Variants in GRIP1 observed in about 807,000 individuals in gnomAD.
GRIP1 encodes the protein glutamate receptor interacting protein 1.
A neutral mutation model predicts 129.9 loss-of-function variants in GRIP1; 45 were observed. The observed-to-expected ratio is 0.35, with a 90% confidence interval of 0.27 to 0.44. The LOEUF is 0.44. Ranked by LOEUF, GRIP1 falls within the 20% of genes least tolerant of loss-of-function variation. The probability of loss-of-function intolerance (pLI) is 1.00; values close to 1 mark genes in which losing one functional copy is unlikely to be tolerated. For synonymous variants in GRIP1, 530 were observed against 520.8 expected, an observed-to-expected ratio of 1.02 and a Z score of -0.24; for missense variants, 1,196 against 1,396.8, an observed-to-expected ratio of 0.86 and a Z score of 2.29.
rs1037946398 is a variant in GRIP1 at position 66,371,884 on chromosome 12, G to T, written c.2822C>A (p.Ala941Asp). 3.1e-6 allele frequency: 5 copies of T among 1,612,976 alleles called. No individual in the cohort carries two copies. In the African/African-American group the frequency reaches 6.7e-5, roughly 22 times the overall value. Residue 941 changes from alanine (A) to aspartate (D), a missense_variant, in exon 23 of 25, where the codon GCT becomes GAT. Around this residue, in one of 5 missense-constraint regions of GRIP1, gnomAD observed 427 missense variants for 463.3 expected, o/e 0.92. Transcript: ENST00000359742. ...CCCCAGCTGACTGCGAGGTGTTGGA[G>T]CCTCATGATTCAAACTCATCGTGCT... ...SGSTMSLNHE[A>D]PTPRSQLGRQ...
At chr12:66,404,063 CCT>C (rs1384079395) in intron 16 of GRIP1, among the ~76,000 whole-genome samples, 1 of 152,186 alleles carries the variant, frequency 6.6e-6, no homozygotes, top group Non-Finnish European at 1.5e-5. Flanking sequence ...CTAAAGGCTT[CCT>C]CTCTATTTTG....
intron 24 of GRIP1, among the ~76,000 whole-genome samples, chr12:66,352,748 TCTAA>T (rs954036792): frequency 1.3e-5 from 2 of 148,468 alleles, no homozygotes; most frequent in African/African-American, 2.5e-5. Flanking sequence ...GAAAAAAGAT[TCTAA>T]CTAACTTTCC....
chr12:66,688,905 G>C (rs2034879122), intron 1 of GRIP1, among the ~76,000 whole-genome samples: 1 of 152,116 alleles, frequency 6.6e-6, no homozygotes, highest in Admixed American at 6.6e-5. Flanking sequence ...AAGAAGTCAG[G>C]GTTGAAGGAC....
chr12:66,796,593 A>G (rs2038705398), intron 1 of GRIP1, among the ~76,000 whole-genome samples: 1 of 152,158 alleles, frequency 6.6e-6, no homozygotes, highest in South Asian at 2.1e-4. Context: ...GGTTTTCTTC[A>G]TTGTACTTGC....
At chr12:66,492,416 G>A (rs1302948610) in intron 7 of GRIP1, among the ~76,000 whole-genome samples, 2 of 151,958 alleles carry the variant, frequency 1.3e-5, no homozygotes, top group Admixed American at 1.3e-4. Context: ...TTAATAAAAA[G>A]AACAACAATT....
intron 2 of GRIP1, among the ~76,000 whole-genome samples, chr12:66,583,601 G>A (rs2063493891): frequency 7.2e-6 from 1 of 138,974 alleles, no homozygotes; most frequent in Non-Finnish European, 1.6e-5. Context: ...GGCGAAGGAC[G>A]TGAACAGACA....
chr12:66,678,879 C>T lies in GRIP1; in HGVS notation c.26G>A (p.Arg9His), dbSNP rs768878880. The T allele has an allele frequency of 2.4e-5, 39 of 1,613,304 alleles. No homozygotes were observed. The highest frequency in any genetic ancestry group is 1.6e-4 in the Middle Eastern group (1 of 6,080). The change falls in exon 1 of 25, where the codon CGT becomes CAT. Residue 9 changes from arginine to histidine, a missense_variant. Physicochemically the swap from Arg to His is conservative, Grantham distance 29. This residue lies in a region of GRIP1 where 217 missense variants were observed against 224.8 expected (regional missense o/e 0.97). Transcript: ENST00000359742. MIAVSFKC[R>H]CQILRRLTKD... ...AGTAAGTCGCCTCAGAATTTGACAA[C>T]GGCATTTAAAAGAGACAGCTATCAT...
intron 1 of GRIP1, among the ~76,000 whole-genome samples, chr12:66,764,422 A>C (rs909949068): frequency 6.6e-6 from 1 of 152,166 alleles, no homozygotes; most frequent in South Asian, 2.1e-4. Context: ...TTCATTTATG[A>C]TGTTTTCCAT....
At chr12:66,900,418 GA>G (rs1192493964) in intron 1 of GRIP1, among the ~76,000 whole-genome samples, 2 of 152,126 alleles carry the variant, frequency 1.3e-5, no homozygotes, top group Non-Finnish European at 2.9e-5. Flanking sequence ...TATGAAGCAG[GA>G]AACAGCCCTC....
At chr12:66,973,360 CT>C (rs1463482004) in intron 1 of GRIP1, among the ~76,000 whole-genome samples, 2 of 140,692 alleles carry the variant, frequency 1.4e-5, no homozygotes, top group African/African-American at 2.6e-5. Flanking sequence ...TATTTTTTCC[CT>C]TTTTTCCTTT....
intron 1 of GRIP1, among the ~76,000 whole-genome samples, chr12:66,619,088 T>A (rs1181057214): frequency 6.6e-6 from 1 of 152,086 alleles, no homozygotes; most frequent in African/African-American, 2.4e-5. Flanking sequence ...CTTTGTGCAA[T>A]TAAAAATGAA....
At chr12:67,060,771 C>T (rs903835748) in intron 1 of GRIP1, among the ~76,000 whole-genome samples, 4 of 148,300 alleles carry the variant, frequency 2.7e-5, no homozygotes, top group Admixed American at 6.8e-5. Flanking sequence ...TGCAGTGAGC[C>T]GGGAACCGCA....
chr12:66,583,009 C>T (rs2063464576), intron 2 of GRIP1, among the ~76,000 whole-genome samples: 2 of 151,494 alleles, frequency 1.3e-5, no homozygotes, highest in Admixed American at 6.6e-5. Context: ...TCAAACTACA[C>T]TACAAGGCTA....
intron 1 of GRIP1, among the ~76,000 whole-genome samples, chr12:67,026,657 C>T (rs2042945310): frequency 6.6e-6 from 1 of 152,160 alleles, no homozygotes; most frequent in Non-Finnish European, 1.5e-5. Flanking sequence ...ACTGTAGTCT[C>T]ACACATGTTA....
In GRIP1 at chr12:66,524,286, C is replaced by T. The variant is rs2061141603; in HGVS notation, c.502+5545G>A. Among the ~76,000 whole-genome samples the T allele has an allele frequency of 2.0e-5, 3 of 152,272 alleles. No homozygotes were observed. The South Asian group carries it at 6.2e-4, about 32-fold the overall frequency. On this transcript the variant is annotated intron_variant, in intron 5 of 24. Coordinates refer to ENST00000359742, the MANE Select transcript of GRIP1 (RefSeq NM_001366722.1). ...TGACCACATAGTTGGAAGTAAAGCA[C>T]CCCTCAGCAAATGTAAAAGAACACA...
intron 1 of GRIP1, among the ~76,000 whole-genome samples, chr12:66,699,350 A>T (rs1215430695): frequency 6.6e-6 from 1 of 152,194 alleles, no homozygotes; most frequent in African/African-American, 2.4e-5. Context: ...CCCCACCTGA[A>T]TCTCATCTTG....
intron 1 of GRIP1, among the ~76,000 whole-genome samples, chr12:66,831,984 A>G (rs868134505): frequency 2.0e-5 from 3 of 152,168 alleles, no homozygotes; most frequent in African/African-American, 7.2e-5. Context: ...ACTTTCCTCA[A>G]TCATTCTGCA....
chr12:66,941,403 G>A (rs1741417090), intron 1 of GRIP1, among the ~76,000 whole-genome samples: 1 of 152,176 alleles, frequency 6.6e-6, no homozygotes, highest in Admixed American at 6.5e-5. Flanking sequence ...CTGTTTAACA[G>A]TTCCAATGAC....
At chr12:66,671,142 A>G (rs1224228264) in intron 1 of GRIP1, among the ~76,000 whole-genome samples, 2 of 152,208 alleles carry the variant, frequency 1.3e-5, no homozygotes, top group Non-Finnish European at 2.9e-5. Flanking sequence ...GGTAATTCCA[A>G]TGGAGAGAAA....
Sources: allele counts gnomAD v4.1 joint callset (sites outside exome capture counted in the v4.1 genomes callset), GRCh38; gene constraint gnomAD v4.1.1; regional missense constraint gnomAD v4.1.1; transcripts MANE v1.5; gene names NCBI Gene and HGNC (gene_info 2026-07-23, HGNC 2026-07-21).